SNTG1: variants seen among roughly 807,000 people sequenced by gnomAD.
The protein encoded by SNTG1 is gamma-1-syntrophin.
SNTG1 carries 39 observed loss-of-function variants against 74.7 expected under a neutral mutation model. The ratio of observed to expected loss-of-function variants is 0.52; its 90% CI spans 0.40 to 0.68. SNTG1 has a LOEUF of 0.68. SNTG1 is among the 30% of genes least tolerant of loss of function. SNTG1 has a pLI of 0.00. For missense variants in SNTG1, 685 were observed against 609.5 expected, an observed-to-expected ratio of 1.12 and a Z score of -1.30; for synonymous variants, 254 against 217.1, an observed-to-expected ratio of 1.17 and a Z score of -1.49.
Position 50,462,140 on chromosome 8 carries a change from T to C in SNTG1, c.363+11411T>C, listed in dbSNP as rs753592445. Reference sequence around the variant, plus strand: ...AAAGCCAGCTGTACCCCTAAAACTATTGAAGTCAAAATAAAAAATAAAAAG... The same window carrying C: ...AAAGCCAGCTGTACCCCTAAAACTACTGAAGTCAAAATAAAAAATAAAAAG... On this transcript the variant is annotated intron_variant, in intron 8 of 18. Transcript: ENST00000642720. Among the ~76,000 whole-genome samples the C allele has an allele frequency of 5.4e-4, 82 of 152,016 alleles. 1 individual carries two copies. The highest frequency in any genetic ancestry group is 6.8e-3 in the Middle Eastern group (2 of 292).
chr8:50,787,901 GT>G (rs1244403004), intron 18 of SNTG1, among the ~76,000 whole-genome samples: 1 of 151,944 alleles, frequency 6.6e-6, no homozygotes, highest in East Asian at 1.9e-4. Context: ...TGATAAAAAT[GT>G]TCTAAAATTT....
chr8:50,164,722 A>G (rs971361521), intron 1 of SNTG1, among the ~76,000 whole-genome samples: 1 of 152,222 alleles, frequency 6.6e-6, no homozygotes, highest in Non-Finnish European at 1.5e-5. Flanking sequence ...TGTAAATAGA[A>G]GTAACTCTTC....
At chr8:50,194,916 G>A (rs2083706992) in intron 2 of SNTG1, among the ~76,000 whole-genome samples, 1 of 152,020 alleles carries the variant, frequency 6.6e-6, no homozygotes, top group Non-Finnish European at 1.5e-5. Context: ...TCTTGATTTT[G>A]TTTTTGACCC....
intron 13 of SNTG1, among the ~76,000 whole-genome samples, chr8:50,655,136 C>A (rs1163722649): frequency 6.6e-6 from 1 of 152,120 alleles, no homozygotes; most frequent in East Asian, 1.9e-4. Flanking sequence ...TAAGCATATT[C>A]TTTTCCAGTT....
chr8:50,007,997 A>G (rs1815406204), intron 1 of SNTG1, among the ~76,000 whole-genome samples: 1 of 152,034 alleles, frequency 6.6e-6, no homozygotes, highest in South Asian at 2.1e-4. Context: ...ACTCACTATC[A>G]TGAGAGCGGC....
intron 2 of SNTG1, among the ~76,000 whole-genome samples, chr8:50,378,029 C>T (rs1274061923): frequency 6.6e-6 from 1 of 152,216 alleles, no homozygotes; most frequent in Non-Finnish European, 1.5e-5. Flanking sequence ...GGGCTCGTTC[C>T]GCCCACTCGG....
chr8:50,385,756 G>A (rs1385058293), intron 2 of SNTG1, among the ~76,000 whole-genome samples: 1 of 152,160 alleles, frequency 6.6e-6, no homozygotes, highest in Admixed American at 6.6e-5. Context: ...GATTTGGCAG[G>A]TCAATAGCTG....
At chr8:50,072,584 T>A (rs1182001235) in intron 1 of SNTG1, among the ~76,000 whole-genome samples, 1 of 152,218 alleles carries the variant, frequency 6.6e-6, no homozygotes, top group Non-Finnish European at 1.5e-5. Flanking sequence ...GTAAATATAA[T>A]ACTTTATTGT....
intron 4 of SNTG1, among the ~76,000 whole-genome samples, chr8:50,437,116 G>T (rs1453257031): frequency 6.6e-6 from 1 of 152,080 alleles, no homozygotes; most frequent in African/African-American, 2.4e-5. Context: ...TTGGATGACA[G>T]ATTATAAGAG....
At chr8:50,552,909 A>C (rs2094435245) in intron 11 of SNTG1, 141 bp from the exon 12 acceptor site, 4 of 981,678 alleles carry the variant, frequency 4.1e-6, no homozygotes, top group Non-Finnish European at 5.8e-6. Context: ...AGAGATGCTT[A>C]TAAAGTCAGG....
chr8:50,395,486 AT>A (rs1336873339), intron 3 of SNTG1, among the ~76,000 whole-genome samples: 1 of 142,254 alleles, frequency 7.0e-6, no homozygotes, highest in East Asian at 2.1e-4. Context: ...TGTATTTTAA[AT>A]TTTAATTGTC....
chr8:50,045,895 C>A (rs749626224), intron 1 of SNTG1, among the ~76,000 whole-genome samples: 2 of 152,128 alleles, frequency 1.3e-5, no homozygotes, highest in Non-Finnish European at 2.9e-5. Context: ...CACCAAAGCT[C>A]TAAGAACTTC....
intron 2 of SNTG1, among the ~76,000 whole-genome samples, chr8:50,363,671 CT>C (rs767104649): frequency 2.3e-3 from 343 of 152,074 alleles, no homozygotes; most frequent in Non-Finnish European, 4.0e-3. Flanking sequence ...AATACAAACA[CT>C]TTTTTTTCTG....
At chr8:50,531,256 A>G (rs1037485240) in intron 10 of SNTG1, among the ~76,000 whole-genome samples, 4 of 152,062 alleles carry the variant, frequency 2.6e-5, no homozygotes, top group Admixed American at 2.6e-4. Context: ...ACCAAAGGTT[A>G]TCTGTACAAA....
chr8:50,057,496 A>G (rs144926792), intron 1 of SNTG1, among the ~76,000 whole-genome samples: 1 of 152,238 alleles, frequency 6.6e-6, no homozygotes, highest in East Asian at 1.9e-4. Flanking sequence ...GTAAAATGAA[A>G]GAGAACAAGG....
At chr8:50,317,338 G>C (rs1051392507) in intron 2 of SNTG1, among the ~76,000 whole-genome samples, 2 of 152,108 alleles carry the variant, frequency 1.3e-5, no homozygotes, top group Non-Finnish European at 1.5e-5. Context: ...GATTAACAGT[G>C]TCCCTTTTCA....
chr8:50,115,703 G>A (rs898541178), intron 1 of SNTG1, among the ~76,000 whole-genome samples: 1 of 151,892 alleles, frequency 6.6e-6, no homozygotes, highest in Non-Finnish European at 1.5e-5. Flanking sequence ...CTGTGTGTGT[G>A]TCTAGAACTT....
intron 13 of SNTG1, among the ~76,000 whole-genome samples, chr8:50,643,195 A>G (rs1312701181): frequency 3.3e-5 from 5 of 152,204 alleles, no homozygotes; most frequent in East Asian, 1.9e-4. Flanking sequence ...GAAAATAGCC[A>G]TCGTATTTCC....
At chr8:50,452,540 T>C (rs1467823503) in intron 8 of SNTG1, among the ~76,000 whole-genome samples, 1 of 152,214 alleles carries the variant, frequency 6.6e-6, no homozygotes, top group African/African-American at 2.4e-5. Context: ...GCAGGCAGCA[T>C]GCTTAGACAA....
Sources: allele counts gnomAD v4.1 joint callset (sites outside exome capture counted in the v4.1 genomes callset), GRCh38; gene constraint gnomAD v4.1.1; transcripts MANE v1.5; gene names NCBI Gene and HGNC (gene_info 2026-07-23, HGNC 2026-07-21).